WDR3: variants seen among roughly 807,000 people sequenced by gnomAD.
WDR3 encodes WD repeat domain 3, also known as WD repeat-containing protein 3.
WDR3 carries 81 observed loss-of-function variants against 123.7 expected under a neutral mutation model. That is an observed-to-expected ratio of 0.65 (90% CI 0.55 to 0.79). The LOEUF (loss-of-function observed/expected upper bound fraction) is 0.79. WDR3 is among the 30% of genes least tolerant of loss of function. The probability of loss-of-function intolerance (pLI) is 0.00; values close to 1 mark genes in which losing one functional copy is unlikely to be tolerated. For missense variants in WDR3, 1,027 were observed against 1,123.2 expected (o/e 0.91, Z 1.22); for synonymous variants, 390 against 388.8 (o/e 1.00, Z -0.04).
rs770538745 is a variant in WDR3 at position 117,950,058 on chromosome 1, T to A, written c.1674T>A (p.Ser558=). 4 of 1,613,936 alleles carry A rather than the reference T, an allele frequency of 2.5e-6. No homozygotes were observed. The change falls in exon 15 of 27, where the codon TCT becomes TCA. Residue 558 remains serine, a synonymous_variant. Transcript: ENST00000349139. ...LDEDVLCVSY[S]PNQKLLAVSL... ...AAGATGTTCTGTGTGTCAGTTACTC[T>A]CCCAATCAAAAGCTATTGGCTGTGT...
In WDR3 at chr1:117,959,023, G is replaced by A; in HGVS notation, c.2676+20G>A. ...GTCCGGGTAAGTGTCTTTGTATAGAGATAAAATAATGAGGCAAATTCCTAG... is the reference window on the plus strand; with the variant it reads ...GTCCGGGTAAGTGTCTTTGTATAGAAATAAAATAATGAGGCAAATTCCTAG... On this transcript the variant is annotated intron_variant, in intron 26 of 26. Transcript: ENST00000349139. The A allele has an allele frequency of 6.2e-7, 1 of 1,610,742 alleles. No homozygotes were observed. The highest frequency in any genetic ancestry group is 1.1e-5 in the South Asian group (1 of 90,884).
intron 1 of WDR3, among the ~76,000 whole-genome samples, chr1:117,932,746 A>G (rs1424381071): frequency 1.3e-5 from 2 of 152,244 alleles, no homozygotes; most frequent in Non-Finnish European, 2.9e-5. Context: ...TGAGGTGGGC[A>G]TGACAACGTG....
In WDR3 at chr1:117,965,155, G is replaced by A. The variant is rs917442306; in HGVS notation, c.*5708G>A. 1 of 151,954 alleles carries A rather than the reference G, an allele frequency of 6.6e-6. No homozygotes were observed. The highest frequency in any genetic ancestry group is 1.5e-5 in the Non-Finnish European group (1 of 68,000). 9.4% of individuals were successfully genotyped at this position (151,954 alleles called of 1,614,324 possible). ...TTAATACAGTCATTCTTTACCTTTT[G>A]CAATTTAGTTTTTATCCCAACCAAA... is the stretch of plus-strand genomic sequence containing the variant. On this transcript the variant is annotated 3_prime_UTR_variant, in exon 27 of 27. Coordinates refer to ENST00000349139, the MANE Select transcript of WDR3 (RefSeq NM_006784.3).
chr1:117,932,958 G>A (rs1217981302), intron 1 of WDR3, among the ~76,000 whole-genome samples: 3 of 151,908 alleles, frequency 2.0e-5, no homozygotes, highest in African/African-American at 7.3e-5. Flanking sequence ...ACTTTGGGAG[G>A]CCGTGGCGGA....
rs1651484601 is a variant in WDR3 at position 117,948,416 on chromosome 1, G to A, written c.1434G>A (p.Leu478=). ...QVVIGTKTGK[L]QLYDLASGNL... is the part of the protein sequence containing the mutation. ...TTGTGTCTTCCCAGACAGGGAAGCT[G>A]CAGCTTTATGACTTGGCTTCAGGGA... The change falls in exon 13 of 27, where the codon CTG becomes CTA. Residue 478 remains leucine, a synonymous_variant. Coordinates refer to ENST00000349139, the MANE Select transcript of WDR3 (RefSeq NM_006784.3). 6.2e-7 allele frequency: 1 copy of A among 1,613,916 alleles called. No individual in the cohort carries two copies. Among genetic ancestry groups the A allele is most frequent in the Non-Finnish European group, 8.5e-7 (1 of 1,179,876 alleles).
chr1:117,943,827 A>G (rs1268523851), intron 11 of WDR3, among the ~76,000 whole-genome samples: 2 of 151,648 alleles, frequency 1.3e-5, no homozygotes, highest in Non-Finnish European at 1.5e-5. Context: ...AGGCAAGCTT[A>G]TTCCATGTTT....
At chr1:117,957,773 A>G (rs1338536897) in intron 25 of WDR3, among the ~76,000 whole-genome samples, 1 of 152,180 alleles carries the variant, frequency 6.6e-6, no homozygotes, top group African/African-American at 2.4e-5. Flanking sequence ...AGTGTGGCCC[A>G]GGGGAGCCAA....
Position 117,959,377 on chromosome 1 carries a change from C to T in WDR3, c.2762C>T (p.Ala921Val). The change falls in exon 27 of 27, where the codon GCT becomes GTT. Residue 921 changes from alanine to valine, a missense_variant. By Grantham distance (64) the Ala-to-Val change is moderately conservative. Transcript: ENST00000349139. ...AGTGAAGTTATGTTTTTTGCTGATG[C>T]TACTAGCCACTTGGAAGAGAAGAAG... ...AKSEVMFFAD[A>V]TSHLEEKKRK... is the part of the protein sequence containing the mutation. 1.2e-6 allele frequency: 2 copies of T among 1,613,582 alleles called. No homozygotes were observed. Among genetic ancestry groups the T allele is most frequent in the Non-Finnish European group, 1.7e-6 (2 of 1,179,836 alleles).
At chr1:117,940,284 T>G (rs543895849) in intron 6 of WDR3, among the ~76,000 whole-genome samples, 1 of 152,208 alleles carries the variant, frequency 6.6e-6, no homozygotes, top group Non-Finnish European at 1.5e-5. Context: ...GATAGTATAA[T>G]AAGTAATATT....
intron 16 of WDR3, 81 bp from the exon 17 acceptor site, chr1:117,951,895 T>C: frequency 7.7e-7 from 1 of 1,299,348 alleles, no homozygotes. Context: ...TTGAAAGAAA[T>C]GGGTTAAATA....
chr1:117,940,721 C>CT, intron 6 of WDR3, 106 bp from the exon 7 acceptor site: 1 of 1,034,218 alleles, frequency 9.7e-7, no homozygotes, highest in East Asian at 2.4e-5. Context: ...GAGTAAGACT[C>CT]TGTCTCCGAC....
chr1:117,950,704 TG>T, intron 15 of WDR3, 129 bp from the exon 16 acceptor site: 1 of 776,718 alleles, frequency 1.3e-6, no homozygotes, highest in Non-Finnish European at 2.1e-6. Context: ...CTGTCTTTTG[TG>T]GGTTGTCTTT....
rs1354228662 is a variant in WDR3 at position 117,966,523 on chromosome 1, A to G, written c.*7076A>G. ...ATTTTGAAGATAGAATTAATAAAGTAGAGATGCATTTTGACTTCCATGTTT... is the reference window on the plus strand; with the variant it reads ...ATTTTGAAGATAGAATTAATAAAGTGGAGATGCATTTTGACTTCCATGTTT... On this transcript the variant is annotated 3_prime_UTR_variant, in exon 27 of 27. Coordinates refer to ENST00000349139, the MANE Select transcript of WDR3 (RefSeq NM_006784.3). 13 of 1,186,440 alleles carry G rather than the reference A, an allele frequency of 1.1e-5. No individual in the cohort carries two copies. The Admixed American group carries it at 3.2e-4, about 29-fold the overall frequency. The allele number at this position is 1,186,440 out of a possible 1,614,324, so 73.5% of individuals were successfully genotyped here.
In WDR3 at chr1:117,959,995, A is replaced by G. The variant is rs757781471; in HGVS notation, c.*548A>G. ...AACCTTCTGCAAGTTATGTCTGTAT[A>G]TAAGAAGATTCTAATTGCTAACTGT... On this transcript the variant is annotated 3_prime_UTR_variant, in exon 27 of 27. Transcript: ENST00000349139. 3.3e-5 allele frequency: 5 copies of G among 152,242 alleles called. No individual in the cohort carries two copies. Among genetic ancestry groups the G allele is most frequent in the Admixed American group, 2.6e-4 (4 of 15,284 alleles). The allele number at this position is 152,242 out of a possible 1,614,324, so 9.4% of individuals were successfully genotyped here.
intron 3 of WDR3, 43 bp downstream of exon 3, chr1:117,934,725 T>C (rs1650856052): frequency 6.2e-7 from 1 of 1,603,902 alleles, no homozygotes; most frequent in African/African-American, 1.3e-5. Flanking sequence ...ATTAAAGGAA[T>C]GTAAGGCTTA....
chr1:117,945,795 T>G (rs778247386), intron 11 of WDR3, among the ~76,000 whole-genome samples: 8 of 152,240 alleles, frequency 5.3e-5, no homozygotes, highest in Non-Finnish European at 8.8e-5. Context: ...TCAGACTCAC[T>G]CACTTCTTGG....
chr1:117,942,668 T>C (rs952428909), intron 10 of WDR3, 124 bp downstream of exon 10: 3 of 808,426 alleles, frequency 3.7e-6, no homozygotes, highest in South Asian at 1.7e-5. Flanking sequence ...TCATGAGACA[T>C]CTGTGTCACA....
chr1:117,931,379 G>C (rs1013131499), intron 1 of WDR3, among the ~76,000 whole-genome samples: 5 of 152,072 alleles, frequency 3.3e-5, no homozygotes, highest in African/African-American at 9.7e-5. Flanking sequence ...TCTAAATCTT[G>C]GCTGCTATAA....
chr1:117,952,737 AGTGCAGTTACACCT>A (rs1651677217), intron 19 of WDR3, 75 bp downstream of exon 19: 1 of 1,564,132 alleles, frequency 6.4e-7, no homozygotes, highest in African/African-American at 1.4e-5. Flanking sequence ...TTTTCTGTCT[AGTGCAGTTACACCT>A]GATGCATTGC....
Sources: gnomAD v4.1 joint callset for allele counts (sites outside exome capture counted in the v4.1 genomes callset) on GRCh38, gnomAD v4.1.1 for gene constraint, MANE v1.5 for transcripts, NCBI Gene and HGNC (gene_info 2026-07-23, HGNC 2026-07-21) for gene names.